Variants in MIB2 observed in about 807,000 individuals in gnomAD.
MIB2 encodes the protein E3 ubiquitin-protein ligase MIB2.
In MIB2, 78 loss-of-function variants were observed where a neutral mutation model predicts 96.6. The observed-to-expected ratio is 0.81, with a 90% CI of 0.67 to 0.97. The LOEUF (loss-of-function observed/expected upper bound fraction) is 0.97. Ranked by LOEUF, MIB2 falls within the 50% of genes least tolerant of loss-of-function variation. The pLI is 0.00. For synonymous variants in MIB2, 820 were observed against 629.5 expected (o/e 1.30, Z -4.53); for missense variants, 1,543 against 1,424.0 (o/e 1.08, Z -1.35).
At chr1:1,623,733 C>G in intron 3 of MIB2, 34 bp downstream of exon 3, 2 of 1,536,220 alleles carry the variant, frequency 1.3e-6, no homozygotes, top group Non-Finnish European at 1.8e-6. Context: ...CGGGCAGGAC[C>G]CGGGGGCGGG....
intron 5 of MIB2, 39 bp downstream of exon 5, chr1:1,624,940 T>G: frequency 6.2e-7 from 1 of 1,607,286 alleles, no homozygotes; most frequent in Non-Finnish European, 8.5e-7. Flanking sequence ...GGCTGGGCTG[T>G]GGCTGGCTCA....
In MIB2 at chr1:1,626,531, G is replaced by A; in HGVS notation, c.973-119G>A. ...TGGCAGTGCCTGGGGTCGGGGTCGG[G>A]GCCGGGGCCGAGTCAGGCCTGCCTG... On this transcript the variant is annotated intron_variant, in intron 8 of 19. Transcript: ENST00000355826. This position sits in a 1 kb window ranked among gnomAD's most constrained non-coding sequence, Gnocchi z 5.3. The A allele has an allele frequency of 1.2e-6, 1 of 823,554 alleles. No homozygotes were observed. Among genetic ancestry groups the A allele is most frequent in the Non-Finnish European group, 1.8e-6 (1 of 545,270 alleles). 51.0% of individuals were successfully genotyped at this position (823,554 alleles called of 1,614,324 possible).
At position 1,625,157 on chromosome 1, in the gene MIB2, C is replaced by G. The variant is rs373476165; in HGVS notation, c.693C>G (p.Phe231Leu). The G allele has an allele frequency of 1.1e-5, 17 of 1,612,070 alleles. No individual in the cohort carries two copies. In the African/African-American group the frequency reaches 2.0e-4, roughly 19 times the overall value. The stretch of plus-strand genomic sequence containing the variant: ...GTGTGGGCGAGGCAGCGGGCGGCTT[C>G]TACTACAAGGACCACCTCCCAAGGC... ...LKCVGEAAGGFYYKDHLPRLG... is the reference protein window; with the variant it reads ...LKCVGEAAGGLYYKDHLPRLG... Residue 231 changes from phenylalanine to leucine, a missense_variant, in exon 6 of 20, where the codon TTC becomes TTG. Coordinates refer to ENST00000355826, the MANE Select transcript of MIB2 (RefSeq NM_001170687.4). The surrounding 1 kb of genome is among the most constrained non-coding windows in gnomAD (Gnocchi z 5.0).
chr1:1,617,898 A>C (rs1419013111), intron 2 of MIB2: 1 of 152,274 alleles, frequency 6.6e-6, no homozygotes, highest in Non-Finnish European at 1.5e-5. Flanking sequence ...AAAGGAAAAA[A>C]CATTTGGTAA....
At chr1:1,620,637 G>A (rs1388941302) in intron 2 of MIB2, among the ~76,000 whole-genome samples, 1 of 152,244 alleles carries the variant, frequency 6.6e-6, no homozygotes, top group Non-Finnish European at 1.5e-5. Context: ...CGGCCTCCCC[G>A]GCCTGTGCCA....
At chr1:1,616,698 T>A (rs1429676015) in intron 2 of MIB2, 84 bp downstream of exon 2, 6 of 1,106,850 alleles carry the variant, frequency 5.4e-6, no homozygotes, top group Non-Finnish European at 7.9e-6. Flanking sequence ...TCAGAGAGGC[T>A]GTGTTTGTGT....
chr1:1,615,369 A>C (rs1257150697), upstream of MIB2: 1 of 1,420,414 alleles, frequency 7.0e-7, no homozygotes. Flanking sequence ...CTCGGAACCT[A>C]GCTGCGCCAC....
intron 2 of MIB2, among the ~76,000 whole-genome samples, chr1:1,620,436 G>A (rs1644154050): frequency 6.6e-6 from 1 of 152,246 alleles, no homozygotes; most frequent in Non-Finnish European, 1.5e-5. Flanking sequence ...CTCTGGCTAA[G>A]TGGAGGTGTT....
chr1:1,616,857 C>G, intron 2 of MIB2: 2 of 443,712 alleles, frequency 4.5e-6, no homozygotes, highest in South Asian at 5.2e-5. Context: ...AGCGCAGGAG[C>G]GCCGGCAAGC....
chr1:1,625,465 C>CCGA lies in MIB2; in HGVS notation c.864+38_864+39insGAC. ...CGCCGTGGAGCCCTGTGTGCCCTGC[C>CCGA]CTCCCAGCCCTCCGCCCCCTCAGCC... On this transcript the variant is annotated intron_variant, in intron 7 of 19. Coordinates refer to ENST00000355826, the MANE Select transcript of MIB2 (RefSeq NM_001170687.4). This position sits in a 1 kb window ranked among gnomAD's most constrained non-coding sequence, Gnocchi z 5.0. 1 of 1,556,566 alleles carries CCGA rather than the reference C, an allele frequency of 6.4e-7. No individual in the cohort carries two copies. Among genetic ancestry groups the CCGA allele is most frequent in the Non-Finnish European group, 8.7e-7 (1 of 1,149,212 alleles).
At chr1:1,616,360 A>G (rs1643676303) in intron 1 of MIB2, 148 bp from the exon 2 acceptor site, 3 of 606,876 alleles carry the variant, frequency 4.9e-6, no homozygotes, top group Non-Finnish European at 8.1e-6. Flanking sequence ...GACCCCAGGG[A>G]GCCCATCCGG....
chr1:1,614,010 G>T (rs538491615), upstream of MIB2: 7 of 152,080 alleles, frequency 4.6e-5, no homozygotes, highest in African/African-American at 1.4e-4. Flanking sequence ...GGCTGGCCAT[G>T]GGTTAGTAAA....
At chr1:1,627,987 C>A (rs1454204846) in intron 13 of MIB2, 32 bp from the exon 14 acceptor site, 22 of 1,610,660 alleles carry the variant, frequency 1.4e-5, no homozygotes, top group Non-Finnish European at 1.9e-5. Context: ...GCAGAAGTCA[C>A]CCCCAGGTGA....
Position 1,625,397 on chromosome 1 carries a change from G to T in MIB2, c.833G>T (p.Gly278Val). ...DTDVLREMQE[G>V]HGGWNPRMAE... is the part of the protein sequence containing the mutation. ...GATGTCCTGCGGGAGATGCAGGAAG[G>T]CCACGGCGGCTGGAACCCCAGGATG... The change falls in exon 7 of 20, where the codon GGC (glycine) becomes GTC (valine). Residue 278 changes from glycine to valine, a missense_variant. Gly to Val is a moderately radical substitution (Grantham distance 109, BLOSUM62 -3). Transcript: ENST00000355826. This position sits in a 1 kb window ranked among gnomAD's most constrained non-coding sequence, Gnocchi z 5.0. 1.3e-6 allele frequency: 2 copies of T among 1,580,134 alleles called. No individual in the cohort carries two copies. Among genetic ancestry groups the T allele is most frequent in the African/African-American group, 1.3e-5 (1 of 74,196 alleles).
Position 1,628,714 on chromosome 1 carries a change from C to T in MIB2, c.2194C>T (p.Leu732=), listed in dbSNP as rs777882408. The part of the protein sequence containing the change: ...AGGDPGPLQL[L]SRLQASGLPG... ...GGGGGACCCAGGGCCCTTGCAGCTGCTGTCCAGGGTGAGGAAGTGTGGCGT... is the reference window on the plus strand; with the variant it reads ...GGGGGACCCAGGGCCCTTGCAGCTGTTGTCCAGGGTGAGGAAGTGTGGCGT... The change falls in exon 16 of 20, where the codon CTG becomes TTG. Residue 732 remains leucine, a synonymous_variant. Coordinates refer to ENST00000355826, the MANE Select transcript of MIB2 (RefSeq NM_001170687.4). 3.2e-5 allele frequency: 49 copies of T among 1,544,732 alleles called. No individual in the cohort carries two copies. The South Asian group carries it at 5.5e-4, about 17-fold the overall frequency.
At chr1:1,629,111 C>T (rs1256833895) in intron 16 of MIB2, 22 bp from the exon 17 acceptor site, 7 of 1,434,640 alleles carry the variant, frequency 4.9e-6, no homozygotes, top group Admixed American at 6.1e-5. Context: ...CCGCCCTCAC[C>T]GGCGTCTGTC....
At chr1:1,619,689 G>A (rs978167187) in intron 2 of MIB2, among the ~76,000 whole-genome samples, 1 of 152,182 alleles carries the variant, frequency 6.6e-6, no homozygotes, top group African/African-American at 2.4e-5. Context: ...AGGTGGGAGT[G>A]GGTGGGCGCA....
chr1:1,628,072 C>T lies in MIB2; in HGVS notation c.1734C>T (p.Ala578=), dbSNP rs560785258. 1.9e-6 allele frequency: 3 copies of T among 1,613,210 alleles called. No homozygotes were observed. The highest frequency in any genetic ancestry group is 3.3e-5 in the Admixed American group (2 of 60,022). Residue 578 remains alanine, a synonymous_variant, in exon 14 of 20, where the codon GCC becomes GCT. Coordinates refer to ENST00000355826, the MANE Select transcript of MIB2 (RefSeq NM_001170687.4). ...LHSAISAGTG[A]SGIVEVLTEV... ...CCGCCATCTCGGCGGGCACTGGAGCCAGCGGCATTGTCGAGGTCCTCACGG... is the reference window on the plus strand; with the variant it reads ...CCGCCATCTCGGCGGGCACTGGAGCTAGCGGCATTGTCGAGGTCCTCACGG...
At chr1:1,619,245 G>T (rs1200338652) in intron 2 of MIB2, 1 of 152,318 alleles carries the variant, frequency 6.6e-6, no homozygotes, top group Non-Finnish European at 1.5e-5. Flanking sequence ...TGTGGTGGCA[G>T]ACGCCTGTAG....
Sources: gnomAD v4.1 joint callset for allele counts (sites outside exome capture counted in the v4.1 genomes callset) on GRCh38, gnomAD v4.1.1 for gene constraint, Gnocchi (gnomAD v3.1) non-coding constraint, MANE v1.5 for transcripts, NCBI Gene and HGNC (gene_info 2026-07-23, HGNC 2026-07-21) for gene names.